Variants in XPR1 observed in about 807,000 individuals in gnomAD.
XPR1 encodes xenotropic and polytropic retrovirus receptor 1, also known as solute carrier family 53 member 1.
A neutral mutation model predicts 87.5 loss-of-function variants in XPR1; 28 were observed. The ratio of observed to expected loss-of-function variants is 0.32; its 90% CI spans 0.24 to 0.44. The LOEUF is 0.44. Among genes scored for constraint, XPR1 ranks in the 20% least tolerant of loss-of-function variants. The probability of loss-of-function intolerance (pLI) is 1.00; values close to 1 mark genes in which losing one functional copy is unlikely to be tolerated. For synonymous variants in XPR1, 300 were observed against 306.1 expected, an observed-to-expected ratio of 0.98 and a Z score of 0.21; for missense variants, 559 against 862.3, an observed-to-expected ratio of 0.65 and a Z score of 4.41.
chr1:180,823,846 TAACTC>T (rs2102150315), intron 7 of XPR1, among the ~76,000 whole-genome samples: 1 of 152,330 alleles, frequency 6.6e-6, no homozygotes, highest in East Asian at 1.9e-4. Context: ...TAATGGTTTT[TAACTC>T]AAAGAGCCAT....
At chr1:180,801,036 A>G (rs560552234) in intron 3 of XPR1, among the ~76,000 whole-genome samples, 1 of 152,214 alleles carries the variant, frequency 6.6e-6, no homozygotes, top group African/African-American at 2.4e-5. Context: ...ACCATGATCA[A>G]TTAACCACAG....
At chr1:180,840,532 T>TTGTGTGTGTGTGTGTGTGTG (rs373937004) in intron 11 of XPR1, among the ~76,000 whole-genome samples, 13 of 110,434 alleles carry the variant, frequency 1.2e-4, no homozygotes, top group Admixed American at 7.1e-4. Context: ...GTTAACATAT[T>TTGTGTGTGTGTGTGTGTGTG]TGTGTGTGTG....
At chr1:180,769,431 T>G in intron 2 of XPR1, among the ~76,000 whole-genome samples, 2 of 80,836 alleles carry the variant, frequency 2.5e-5, no homozygotes, top group Non-Finnish European at 2.3e-5. Flanking sequence ...CCCACTACCC[T>G]TCCCAGCCTC....
In XPR1 at chr1:180,884,719, ATAT is replaced by A. The variant is rs1330546991; in HGVS notation, c.*654_*656del. The A allele has an allele frequency of 6.5e-6, 1 of 152,688 alleles. No individual in the cohort carries two copies. The highest frequency in any genetic ancestry group is 6.5e-5 in the Admixed American group (1 of 15,290). The allele number at this position is 152,688 out of a possible 1,614,324, so 9.5% of individuals were successfully genotyped here. A position where few individuals can be genotyped will look rare whatever the true frequency, so the allele number is the denominator to read the frequency against. ...TTATGAAACTTAACCATACAGAATG[ATAT>A]AACTCCTGTGCAATGAAGGTGATAA... On this transcript the variant is annotated 3_prime_UTR_variant, in exon 15 of 15. Transcript: ENST00000367590.
intron 2 of XPR1, among the ~76,000 whole-genome samples, chr1:180,770,276 A>G (rs989539949): frequency 5.3e-5 from 8 of 152,162 alleles, no homozygotes; most frequent in Middle Eastern, 3.4e-3. Context: ...GCAGACAGTT[A>G]TTTTTCATGG....
chr1:180,673,958 T>C (rs1656282270), intron 1 of XPR1, among the ~76,000 whole-genome samples: 1 of 152,208 alleles, frequency 6.6e-6, no homozygotes, highest in East Asian at 1.9e-4. Context: ...GCATAAATGA[T>C]TCATTTTTGG....
At chr1:180,682,538 A>G in intron 2 of XPR1, 127 bp downstream of exon 2, 1 of 386,854 alleles carries the variant, frequency 2.6e-6, no homozygotes, top group Non-Finnish European at 4.4e-6. Context: ...TTCCCTTTTA[A>G]TAATATATAT....
chr1:180,673,479 C>G (rs1319118173), intron 1 of XPR1, among the ~76,000 whole-genome samples: 1 of 152,126 alleles, frequency 6.6e-6, no homozygotes, highest in Admixed American at 6.6e-5. Flanking sequence ...TATTTTATAT[C>G]ATCTAGATCA....
chr1:180,787,113 G>A (rs774253674), intron 2 of XPR1, among the ~76,000 whole-genome samples: 2 of 151,864 alleles, frequency 1.3e-5, no homozygotes, highest in Non-Finnish European at 2.9e-5. Context: ...ACTCAGCTCA[G>A]CTCCTAGTAC....
chr1:180,771,508 C>T (rs1648511731), intron 2 of XPR1, among the ~76,000 whole-genome samples: 1 of 152,150 alleles, frequency 6.6e-6, no homozygotes, highest in Non-Finnish European at 1.5e-5. Flanking sequence ...ACAGACCTTA[C>T]TCAAGTTTTA....
At position 180,874,147 on chromosome 1, in the gene XPR1, G is replaced by A. The variant is rs889409989; in HGVS notation, c.1808+205G>A. The stretch of plus-strand genomic sequence containing the variant: ...TGACCTCAGTTGATCCACCCACCTC[G>A]GCCTCCCAAAGTGCTGGGATTACAG... On this transcript the variant is annotated intron_variant, in intron 13 of 14. Coordinates refer to ENST00000367590, the MANE Select transcript of XPR1 (RefSeq NM_004736.4). 415 of 540,230 alleles carry A rather than the reference G, an allele frequency of 7.7e-4. 2 individuals are homozygous for A. The highest frequency in any genetic ancestry group is 5.9e-4 in the Admixed American group (17 of 28,942). 33.5% of individuals were successfully genotyped at this position (540,230 alleles called of 1,614,324 possible).
chr1:180,687,984 T>C (rs1277313277), intron 2 of XPR1, among the ~76,000 whole-genome samples: 2 of 151,556 alleles, frequency 1.3e-5, no homozygotes, highest in African/African-American at 4.8e-5. Flanking sequence ...ACCATTTACA[T>C]TGGAAATATG....
chr1:180,768,848 T>C (rs1385961214), intron 2 of XPR1, among the ~76,000 whole-genome samples: 1 of 152,198 alleles, frequency 6.6e-6, no homozygotes, highest in Non-Finnish European at 1.5e-5. Flanking sequence ...GAAATGCTTA[T>C]TGGGTTCTTT....
intron 2 of XPR1, among the ~76,000 whole-genome samples, chr1:180,771,960 C>T (rs538661467): frequency 6.6e-6 from 1 of 152,258 alleles, no homozygotes; most frequent in Non-Finnish European, 1.5e-5. Flanking sequence ...TTTCTATTAT[C>T]TATGGATGGA....
In XPR1 at chr1:180,632,036, G is replaced by A. The variant is rs1654592893; in HGVS notation, c.-166G>A. 9.5e-6 allele frequency: 7 copies of A among 739,880 alleles called. No homozygotes were observed. Among genetic ancestry groups the A allele is most frequent in the South Asian group, 4.8e-5 (3 of 62,470 alleles). The allele number at this position is 739,880 out of a possible 1,614,324, so 45.8% of individuals were successfully genotyped here. ...GGGGCGGGGCTATGGAGAGGAGGAG[G>A]AAGATGGCGGGCGGGCTGCTCTGAA... On this transcript the variant is annotated 5_prime_UTR_variant, in exon 1 of 15. Transcript: ENST00000367590.
intron 7 of XPR1, among the ~76,000 whole-genome samples, chr1:180,823,370 A>C (rs1650709632): frequency 1.3e-5 from 2 of 152,222 alleles, no homozygotes. Context: ...TTAAAACGAA[A>C]TATGTTGATT....
chr1:180,766,796 T>C (rs1648303280), intron 2 of XPR1, among the ~76,000 whole-genome samples: 1 of 152,204 alleles, frequency 6.6e-6, no homozygotes, highest in Non-Finnish European at 1.5e-5. Flanking sequence ...TTATGCCTTA[T>C]TATTTCTTAC....
intron 2 of XPR1, among the ~76,000 whole-genome samples, chr1:180,689,578 A>G (rs1656911482): frequency 6.6e-6 from 1 of 152,186 alleles, no homozygotes; most frequent in South Asian, 2.1e-4. Flanking sequence ...TAAGGGGAAA[A>G]TGAAGACAGA....
intron 1 of XPR1, among the ~76,000 whole-genome samples, chr1:180,658,436 G>T (rs752090267): frequency 1.3e-5 from 2 of 152,120 alleles, no homozygotes; most frequent in Non-Finnish European, 2.9e-5. Flanking sequence ...GTTGTGTATG[G>T]CTTTTATTGT....
Sources: allele counts gnomAD v4.1 joint callset (sites outside exome capture counted in the v4.1 genomes callset), GRCh38; gene constraint gnomAD v4.1.1; transcripts MANE v1.5; gene names NCBI Gene and HGNC (gene_info 2026-07-23, HGNC 2026-07-21).